HAPSTR1: variants seen among roughly 807,000 people sequenced by gnomAD.
The protein encoded by HAPSTR1 is HUWE1-associated protein modifying stress responses 1.
At chr16:9,116,945 T>C in the HAPSTR1 span, 1 of 1,609,484 alleles carries the variant, frequency 6.2e-7, no homozygotes, top group East Asian at 2.2e-5. Flanking sequence ...CCATGCTGCT[T>C]GAAAGCCACT....
the HAPSTR1 span, chr16:9,106,324 C>A: frequency 6.7e-6 from 1 of 148,732 alleles, no homozygotes; most frequent in African/African-American, 2.5e-5. Context: ...CTGAGTGTCG[C>A]TCTATAGCCC....
chr16:9,118,039 G>A, the HAPSTR1 span: 25 of 152,612 alleles, frequency 1.6e-4, no homozygotes, highest in African/African-American at 5.8e-4. Flanking sequence ...CTGTTAGGTA[G>A]ACCTAAATAA....
At chr16:9,108,113 G>T in the HAPSTR1 span, 71,143 of 151,838 alleles carry the variant, frequency 0.47, 17,314 homozygotes, top group Non-Finnish European at 0.55. Context: ...GGGACCTTAG[G>T]GTGATAACCA....
At chr16:9,100,024 C>G in the HAPSTR1 span, among the ~76,000 whole-genome samples, 1 of 152,158 alleles carries the variant, frequency 6.6e-6, no homozygotes, top group Non-Finnish European at 1.5e-5. Flanking sequence ...ATACTGTTAA[C>G]AGTACAAAAC....
the HAPSTR1 span, chr16:9,108,771 G>A: frequency 2.6e-5 from 4 of 151,986 alleles, no homozygotes; most frequent in Non-Finnish European, 5.9e-5. Context: ...TATTTTCCTC[G>A]GTAACCTTGG....
the HAPSTR1 span, chr16:9,119,015 T>C: frequency 1.3e-5 from 2 of 152,692 alleles, no homozygotes; most frequent in Non-Finnish European, 2.9e-5. Context: ...AAGCAGGTCT[T>C]AATGTCTGCC....
At chr16:9,093,582 G>C in the HAPSTR1 span, among the ~76,000 whole-genome samples, 1 of 152,190 alleles carries the variant, frequency 6.6e-6, no homozygotes, top group African/African-American at 2.4e-5. Context: ...TTAACGTGCT[G>C]CTCTTCTCTA....
At chr16:9,091,840 G>A in the HAPSTR1 span, 1 of 400,198 alleles carries the variant, frequency 2.5e-6, no homozygotes, top group Non-Finnish European at 4.3e-6. Context: ...GAAGGCCTGG[G>A]GCGGGGGTCG....
chr16:9,117,322 G>C, the HAPSTR1 span: 2 of 181,314 alleles, frequency 1.1e-5, no homozygotes, highest in African/African-American at 4.8e-5. Flanking sequence ...AGTATTGCCA[G>C]GTTCCTAAAA....
the HAPSTR1 span, chr16:9,116,970 T>C: frequency 3.6e-5 from 58 of 1,594,102 alleles, no homozygotes; most frequent in Non-Finnish European, 4.5e-5. Context: ...CCTCAACATA[T>C]ACTATAATTG....
the HAPSTR1 span, chr16:9,119,241 A>G: frequency 2.6e-5 from 4 of 152,264 alleles, no homozygotes; most frequent in Non-Finnish European, 5.9e-5. Flanking sequence ...CCCTCAGGAA[A>G]AACTTCTGAC....
the HAPSTR1 span, chr16:9,106,447 T>C: frequency 9.2e-5 from 14 of 152,106 alleles, no homozygotes; most frequent in East Asian, 2.1e-3. Context: ...GCCCAGCTAA[T>C]TTTTGTATTT....
the HAPSTR1 span, chr16:9,117,048 A>G: frequency 9.0e-6 from 12 of 1,330,148 alleles, no homozygotes; most frequent in Non-Finnish European, 1.1e-5. Context: ...AGTGGTTGCC[A>G]TAAAAGGAAG....
At chr16:9,113,342 C>A in the HAPSTR1 span, among the ~76,000 whole-genome samples, 43,183 of 151,958 alleles carry the variant, frequency 0.28, 6,549 homozygotes, top group African/African-American at 0.36. Context: ...AGGTCATACA[C>A]CCAGTAGAAA....
the HAPSTR1 span, chr16:9,092,790 A>G: frequency 3.0e-6 from 3 of 1,003,720 alleles, no homozygotes; most frequent in East Asian, 7.8e-5. Flanking sequence ...CCCCTGAACA[A>G]AATGGCGAAA....
the HAPSTR1 span, chr16:9,103,178 C>T: frequency 3.7e-6 from 6 of 1,614,158 alleles, no homozygotes; most frequent in Non-Finnish European, 4.2e-6. Flanking sequence ...TGTAGTGTCC[C>T]CTAACCGAGC....
the HAPSTR1 span, chr16:9,118,583 T>A: frequency 6.6e-6 from 1 of 152,592 alleles, no homozygotes; most frequent in Non-Finnish European, 1.5e-5. Flanking sequence ...TCTAAACTTT[T>A]GCGAAAGTGG....
At chr16:9,113,005 G>GTTTTTTTTTTTT in the HAPSTR1 span, 1 of 136,646 alleles carries the variant, frequency 7.3e-6, no homozygotes, top group Non-Finnish European at 1.6e-5. Context: ...GTACAACTTG[G>GTTTTTTTTTTTT]TTTTTTTTTT....
chr16:9,114,977 C>T, the HAPSTR1 span, among the ~76,000 whole-genome samples: 1,314 of 152,248 alleles, frequency 8.6e-3, 8 homozygotes, highest in Non-Finnish European at 0.014. Flanking sequence ...GTTTGATTTC[C>T]TCTGACCACC....
Sources: allele counts gnomAD v4.1 joint callset (sites outside exome capture counted in the v4.1 genomes callset), GRCh38; gene constraint gnomAD v4.1.1; transcripts MANE v1.5; gene names NCBI Gene and HGNC (gene_info 2026-07-23, HGNC 2026-07-21).